WWOX: variants seen among roughly 807,000 people sequenced by gnomAD.
WWOX encodes WW domain containing oxidoreductase.
WWOX carries 69 observed loss-of-function variants against 46.2 expected under a neutral mutation model. The ratio of observed to expected loss-of-function variants is 1.49; its 90% confidence interval spans 1.23 to 1.82. The LOEUF (loss-of-function observed/expected upper bound fraction) is 1.82, where lower values mean the gene tolerates loss of function less well. Ranked by LOEUF, WWOX falls within the 40% of genes most tolerant of loss-of-function variation. The pLI is 0.00. For missense variants in WWOX, 919 were observed against 542.6 expected, an observed-to-expected ratio of 1.69 and a Z score of -6.89; for synonymous variants, 359 against 202.6, an observed-to-expected ratio of 1.77 and a Z score of -6.56.
chr16:78,602,168 G>C (rs1351549604), intron 8 of WWOX, among the ~76,000 whole-genome samples: 3 of 152,150 alleles, frequency 2.0e-5, no homozygotes, highest in African/African-American at 7.2e-5. Context: ...AGAGGACTGT[G>C]AGAGTTACCT....
intron 8 of WWOX, among the ~76,000 whole-genome samples, chr16:78,960,155 G>C (rs2046245687): frequency 6.6e-6 from 1 of 152,130 alleles, no homozygotes; most frequent in African/African-American, 2.4e-5. Context: ...AGGAAGAACA[G>C]CTAATTCCAG....
At chr16:78,621,281 C>A (rs901071498) in intron 8 of WWOX, among the ~76,000 whole-genome samples, 1 of 152,078 alleles carries the variant, frequency 6.6e-6, no homozygotes, top group African/African-American at 2.4e-5. Flanking sequence ...ACTGAACTTT[C>A]CATTAACTCA....
At chr16:78,610,530 T>G (rs780019709) in intron 8 of WWOX, among the ~76,000 whole-genome samples, 1 of 152,174 alleles carries the variant, frequency 6.6e-6, no homozygotes, top group Non-Finnish European at 1.5e-5. Flanking sequence ...GGAAGCTGTC[T>G]TACCTGGACA....
At chr16:78,566,983 G>C (rs1436344890) in intron 8 of WWOX, among the ~76,000 whole-genome samples, 1 of 152,182 alleles carries the variant, frequency 6.6e-6, no homozygotes, top group African/African-American at 2.4e-5. Context: ...AATCATAGCA[G>C]AAACTCACAT....
intron 5 of WWOX, among the ~76,000 whole-genome samples, chr16:78,293,469 T>C (rs1172995219): frequency 6.6e-6 from 1 of 152,196 alleles, no homozygotes; most frequent in Non-Finnish European, 1.5e-5. Flanking sequence ...CTCTCCTGTA[T>C]GTCGTCCCTC....
intron 8 of WWOX, among the ~76,000 whole-genome samples, chr16:78,435,499 G>C (rs1222627528): frequency 6.6e-6 from 1 of 152,236 alleles, no homozygotes; most frequent in Non-Finnish European, 1.5e-5. Context: ...TTAGATCCCT[G>C]AGTGAGAAAG....
intron 5 of WWOX, among the ~76,000 whole-genome samples, chr16:78,321,827 G>A (rs1012836835): frequency 1.3e-5 from 2 of 152,252 alleles, no homozygotes; most frequent in South Asian, 4.1e-4. Flanking sequence ...AAAGAGCGAC[G>A]CTTGGAGGCT....
At chr16:79,167,697 C>G (rs986628559) in intron 8 of WWOX, among the ~76,000 whole-genome samples, 2 of 152,202 alleles carry the variant, frequency 1.3e-5, no homozygotes, top group African/African-American at 4.8e-5. Context: ...CTTCAAAAAC[C>G]CTTGTATCCT....
intron 8 of WWOX, among the ~76,000 whole-genome samples, chr16:78,977,064 G>A (rs1028861828): frequency 9.2e-5 from 14 of 152,126 alleles, no homozygotes; most frequent in African/African-American, 3.4e-4. Flanking sequence ...TCACGCACAC[G>A]TCAACACAGG....
intron 8 of WWOX, among the ~76,000 whole-genome samples, chr16:79,152,705 C>A (rs1469171887): frequency 2.0e-5 from 3 of 151,962 alleles, no homozygotes; most frequent in African/African-American, 7.2e-5. Flanking sequence ...CCTGCCCTGC[C>A]CAGCCATGCC....
At chr16:78,216,972 C>G (rs1043071607) in intron 5 of WWOX, among the ~76,000 whole-genome samples, 3 of 152,216 alleles carry the variant, frequency 2.0e-5, no homozygotes, top group Admixed American at 6.5e-5. Context: ...ATCTGCCTGC[C>G]TTGGCCTCCT....
chr16:78,802,579 T>G (rs1205862033), intron 8 of WWOX, among the ~76,000 whole-genome samples: 1 of 152,032 alleles, frequency 6.6e-6, no homozygotes, highest in Non-Finnish European at 1.5e-5. Flanking sequence ...AACAACTAAT[T>G]AATAAATATT....
At chr16:78,971,418 G>C (rs377718476) in intron 8 of WWOX, among the ~76,000 whole-genome samples, 1 of 136,238 alleles carries the variant, frequency 7.3e-6, no homozygotes, top group African/African-American at 2.8e-5. Context: ...TCACGCCACT[G>C]CTCTCCAGTC....
intron 8 of WWOX, chr16:79,203,738 A>T (rs898390653): frequency 6.6e-6 from 1 of 152,168 alleles, no homozygotes; most frequent in African/African-American, 2.4e-5. Context: ...TGTTTGTTTT[A>T]CCTGTAGTAT....
chr16:78,788,827 G>C (rs953510858), intron 8 of WWOX, among the ~76,000 whole-genome samples: 3 of 152,122 alleles, frequency 2.0e-5, no homozygotes, highest in Non-Finnish European at 4.4e-5. Flanking sequence ...GGGCAGTCTT[G>C]GGGACTGAGC....
At chr16:79,106,294 A>T (rs1007706713) in intron 8 of WWOX, among the ~76,000 whole-genome samples, 4 of 152,130 alleles carry the variant, frequency 2.6e-5, no homozygotes, top group African/African-American at 9.7e-5. Context: ...TGAATTTTTG[A>T]CCTGAGACCT....
intron 8 of WWOX, among the ~76,000 whole-genome samples, chr16:79,113,696 T>C (rs990544932): frequency 4.0e-5 from 6 of 151,854 alleles, no homozygotes; most frequent in African/African-American, 1.5e-4. Flanking sequence ...GATCTTGGAG[T>C]GTAGATGTCA....
chr16:78,422,716 CACACATATATATAT>C (rs2082967791), intron 6 of WWOX, among the ~76,000 whole-genome samples: 1 of 114,258 alleles, frequency 8.8e-6, no homozygotes, highest in African/African-American at 3.4e-5. Context: ...TATATACACA[CACACATATATATAT>C]ACACACACAT....
intron 1 of WWOX, among the ~76,000 whole-genome samples, chr16:78,107,651 A>C (rs1375272211): frequency 6.6e-6 from 1 of 152,050 alleles, no homozygotes; most frequent in Non-Finnish European, 1.5e-5. Context: ...TTAATGAAAC[A>C]CTTTGAAGTT....
Sources: allele counts gnomAD v4.1 joint callset (sites outside exome capture counted in the v4.1 genomes callset), GRCh38; gene constraint gnomAD v4.1.1; transcripts MANE v1.5; gene names NCBI Gene and HGNC (gene_info 2026-07-23, HGNC 2026-07-21).